Variants in PARD3B observed in about 807,000 individuals in gnomAD.
PARD3B encodes partitioning defective 3 homolog B.
A neutral mutation model predicts 130.2 loss-of-function variants in PARD3B; 103 were observed. The ratio of observed to expected loss-of-function variants is 0.79; its 90% CI spans 0.67 to 0.93. PARD3B has a LOEUF of 0.93. Ranked by LOEUF, PARD3B falls within the 40% of genes least tolerant of loss-of-function variation. PARD3B has a pLI of 0.00. For missense variants in PARD3B, 1,609 were observed against 1,499.2 expected (o/e 1.07, Z -1.21); for synonymous variants, 583 against 553.2 (o/e 1.05, Z -0.76).
chr2:204,554,925 C>G (rs1282188853), intron 1 of PARD3B, among the ~76,000 whole-genome samples: 4 of 152,204 alleles, frequency 2.6e-5, no homozygotes, highest in African/African-American at 9.6e-5. Flanking sequence ...CCATCATTCC[C>G]TTATCGGAAT....
At chr2:205,000,215 C>G (rs1694714317) in intron 3 of PARD3B, among the ~76,000 whole-genome samples, 2 of 152,152 alleles carry the variant, frequency 1.3e-5, no homozygotes, top group Admixed American at 6.5e-5. Flanking sequence ...TATTCCCTTT[C>G]CTATGGTAAT....
rs373060176 is a variant in PARD3B, at chr2:205,497,808, A to G, written c.3045-2088A>G. Among the ~76,000 whole-genome samples, 6 of 152,256 alleles carry G rather than the reference A, an allele frequency of 3.9e-5. No homozygotes were observed. In the East Asian group the frequency reaches 7.7e-4, roughly 20 times the overall value. On this transcript the variant is annotated intron_variant, in intron 20 of 22. Transcript: ENST00000406610. The stretch of plus-strand genomic sequence containing the variant: ...AAACATAAGTGTCATGATTGATAAG[A>G]TGTTATCAATTGAGTTAAAGTACCA...
intron 4 of PARD3B, among the ~76,000 whole-genome samples, chr2:205,059,443 G>T (rs1699931991): frequency 6.6e-6 from 1 of 152,006 alleles, no homozygotes; most frequent in Non-Finnish European, 1.5e-5. Flanking sequence ...AATATCATTT[G>T]TCTCCCTTTC....
At chr2:204,816,014 T>C (rs2043134287) in intron 2 of PARD3B, among the ~76,000 whole-genome samples, 1 of 151,988 alleles carries the variant, frequency 6.6e-6, no homozygotes, top group Non-Finnish European at 1.5e-5. Context: ...ATTACTTTTT[T>C]TGATGATTTT....
chr2:204,813,081 A>G (rs6720594), intron 2 of PARD3B, among the ~76,000 whole-genome samples: 37,278 of 152,112 alleles, frequency 0.25, 7,039 homozygotes, highest in African/African-American at 0.52. Flanking sequence ...GTAAATATCT[A>G]GAGAGGAATG....
chr2:205,052,419 G>GTGTATATATATATATA (rs1467760914), intron 4 of PARD3B, among the ~76,000 whole-genome samples: 29 of 39,760 alleles, frequency 7.3e-4, no homozygotes, highest in African/African-American at 2.6e-3. Flanking sequence ...ATATATATAT[G>GTGTATATATATATATA]TATATATATA....
chr2:204,801,394 C>T (rs530810739), intron 2 of PARD3B, among the ~76,000 whole-genome samples: 14 of 152,152 alleles, frequency 9.2e-5, no homozygotes, highest in Non-Finnish European at 1.8e-4. Flanking sequence ...TTTCCTTGAG[C>T]AGTGATTTGT....
chr2:205,035,794 ATC>A (rs1697780815), intron 3 of PARD3B, among the ~76,000 whole-genome samples: 1 of 93,836 alleles, frequency 1.1e-5, no homozygotes, highest in African/African-American at 4.0e-5. Flanking sequence ...TCAGAGATAT[ATC>A]TCATATATAT....
At chr2:204,966,483 T>C (rs765425893) in intron 3 of PARD3B, among the ~76,000 whole-genome samples, 2 of 152,116 alleles carry the variant, frequency 1.3e-5, no homozygotes, top group Non-Finnish European at 2.9e-5. Flanking sequence ...AATGGATGCC[T>C]TTTTATCCAT....
At chr2:205,081,516 A>T (rs1198051301) in intron 4 of PARD3B, among the ~76,000 whole-genome samples, 1 of 152,046 alleles carries the variant, frequency 6.6e-6, no homozygotes, top group Non-Finnish European at 1.5e-5. Context: ...TTTTGCCATT[A>T]AATATGATAT....
intron 20 of PARD3B, among the ~76,000 whole-genome samples, chr2:205,444,502 T>C (rs962920773): frequency 1.3e-5 from 2 of 152,236 alleles, no homozygotes; most frequent in Admixed American, 6.5e-5. Flanking sequence ...AAGGGTATTT[T>C]TCCTGGACTC....
intron 3 of PARD3B, among the ~76,000 whole-genome samples, chr2:205,026,499 C>T (rs191983444): frequency 7.2e-5 from 11 of 152,284 alleles, no homozygotes; most frequent in Admixed American, 7.2e-4. Context: ...ACACATTCAT[C>T]ATCATCCTTA....
At chr2:205,424,751 C>A (rs1325996200) in intron 19 of PARD3B, among the ~76,000 whole-genome samples, 1 of 152,058 alleles carries the variant, frequency 6.6e-6, no homozygotes, top group Admixed American at 6.6e-5. Flanking sequence ...AGGGGTTGAT[C>A]CTCATTCTTT....
At chr2:205,505,895 T>G (rs1289505387) in intron 21 of PARD3B, among the ~76,000 whole-genome samples, 1 of 152,182 alleles carries the variant, frequency 6.6e-6, no homozygotes, top group Admixed American at 6.5e-5. Context: ...AAAAAATTCT[T>G]TGGCTAAATT....
At position 205,230,463 on chromosome 2, in the gene PARD3B, T is replaced by C. The variant is rs754609427; in HGVS notation, c.2141-15315T>C. ...AAGCCTAGAATGGGGGCCCCAGGAC[T>C]CTGCCCAGTGCCCCCTACTGTGGTA... is the stretch of plus-strand genomic sequence containing the variant. On this transcript the variant is annotated intron_variant, in intron 15 of 22. Transcript: ENST00000406610. The surrounding 1 kb of genome is among the most constrained non-coding windows in gnomAD (Gnocchi z 4.1). Among the ~76,000 whole-genome samples, 2 of 152,154 alleles carry C rather than the reference T, an allele frequency of 1.3e-5. No individual in the cohort carries two copies. Among genetic ancestry groups the C allele is most frequent in the Non-Finnish European group, 2.9e-5 (2 of 68,020 alleles).
chr2:205,248,923 A>G (rs2039703731), intron 16 of PARD3B, among the ~76,000 whole-genome samples: 1 of 151,848 alleles, frequency 6.6e-6, no homozygotes, highest in Admixed American at 6.6e-5. Flanking sequence ...ACCATTCTTA[A>G]AAGGAATCAG....
intron 15 of PARD3B, among the ~76,000 whole-genome samples, chr2:205,242,785 A>C (rs1425601824): frequency 2.0e-5 from 3 of 152,098 alleles, no homozygotes; most frequent in Non-Finnish European, 4.4e-5. Context: ...AACTGTGCAA[A>C]GTGCTTTTGT....
intron 20 of PARD3B, among the ~76,000 whole-genome samples, chr2:205,449,388 C>T (rs1174955217): frequency 6.6e-6 from 1 of 151,614 alleles, no homozygotes; most frequent in African/African-American, 2.4e-5. Flanking sequence ...CGCCACCACG[C>T]CCAGCTAATT....
At chr2:205,498,622 A>C (rs1209842802) in intron 20 of PARD3B, among the ~76,000 whole-genome samples, 1 of 152,194 alleles carries the variant, frequency 6.6e-6, no homozygotes, top group Admixed American at 6.5e-5. Flanking sequence ...AGGACAAAAG[A>C]AGTTGAGGAC....
Sources: allele counts gnomAD v4.1 joint callset (sites outside exome capture counted in the v4.1 genomes callset), GRCh38; gene constraint gnomAD v4.1.1; non-coding constraint Gnocchi (gnomAD v3.1); transcripts MANE v1.5; gene names NCBI Gene and HGNC (gene_info 2026-07-23, HGNC 2026-07-21).